Variants in GPRC6A observed in about 807,000 individuals in gnomAD.
The protein encoded by GPRC6A is G protein-coupled receptor class C group 6 member A.
Under a neutral mutation model 47.0 loss-of-function variants are expected in GPRC6A, and 54 were observed. The observed-to-expected ratio is 1.15, with a 90% CI of 0.92 to 1.44. The LOEUF (loss-of-function observed/expected upper bound fraction) is 1.44, where lower values mean the gene tolerates loss of function less well. Ranked by LOEUF, GPRC6A falls within the 40% of genes most tolerant of loss-of-function variation. The pLI is 0.00. For missense variants in GPRC6A, 1,112 were observed against 1,105.5 expected, an observed-to-expected ratio of 1.01 and a Z score of -0.08; for synonymous variants, 347 against 377.1, an observed-to-expected ratio of 0.92 and a Z score of 0.93.
chr6:116,802,196 A>G (rs1772696192), intron 3 of GPRC6A, among the ~76,000 whole-genome samples: 1 of 152,210 alleles, frequency 6.6e-6, no homozygotes, highest in African/African-American at 2.4e-5. Flanking sequence ...CCACAATTTT[A>G]TGCTTGCTCT....
chr6:116,803,148 C>T (rs1011160041), intron 3 of GPRC6A, among the ~76,000 whole-genome samples: 10 of 152,072 alleles, frequency 6.6e-5, no homozygotes, highest in Non-Finnish European at 1.5e-4. Context: ...GAATCATCTG[C>T]AACATTTTTG....
At chr6:116,809,702 T>C in intron 1 of GPRC6A, 85 bp from the exon 2 acceptor site, 1 of 846,694 alleles carries the variant, frequency 1.2e-6, no homozygotes, top group Non-Finnish European at 1.9e-6. Context: ...CATCTCCTCA[T>C]AGCAATTTCT....
At chr6:116,795,889 C>T (rs1415090583) in intron 4 of GPRC6A, 54 bp from the exon 5 acceptor site, 19 of 1,241,442 alleles carry the variant, frequency 1.5e-5, no homozygotes, top group Middle Eastern at 2.0e-4. Context: ...AAAAATTATC[C>T]TAATCGATTA....
Position 116,792,512 on chromosome 6 carries a change from G to T in GPRC6A, c.2411C>A (p.Thr804Asn). 2 of 1,613,822 alleles carry T rather than the reference G, an allele frequency of 1.2e-6. No homozygotes were observed. Among genetic ancestry groups the T allele is most frequent in the African/African-American group, 1.3e-5 (1 of 75,028 alleles). ...AWITFIPIYA[T>N]TFGKYVPAVE... ...AGCTGGTACATATTTGCCAAATGTGGTAGCATAGATAGGGATGAATGTGAT... is the reference window on the plus strand; with the variant it reads ...AGCTGGTACATATTTGCCAAATGTGTTAGCATAGATAGGGATGAATGTGAT... Residue 804 changes from threonine (T) to asparagine (N), a missense_variant, in exon 6 of 6, where the codon ACC becomes AAC. Transcript: ENST00000310357.
intron 1 of GPRC6A, among the ~76,000 whole-genome samples, chr6:116,822,889 T>A: frequency 8.9e-6 from 1 of 111,804 alleles, no homozygotes; most frequent in Non-Finnish European, 1.9e-5. Context: ...ATTACTAGTC[T>A]CTAAAAAAAA....
At chr6:116,817,478 A>T (rs373428757) in intron 1 of GPRC6A, among the ~76,000 whole-genome samples, 3 of 152,110 alleles carry the variant, frequency 2.0e-5, no homozygotes, top group African/African-American at 7.2e-5. Flanking sequence ...AAAGCAGAGC[A>T]CCTCTCCTCC....
At chr6:116,822,670 A>C (rs1562115385) in intron 1 of GPRC6A, among the ~76,000 whole-genome samples, 1 of 142,752 alleles carries the variant, frequency 7.0e-6, no homozygotes, top group Non-Finnish European at 1.5e-5. Flanking sequence ...ATGAGATCAC[A>C]TGGACACAGG....
intron 1 of GPRC6A, among the ~76,000 whole-genome samples, chr6:116,822,723 G>C (rs954445667): frequency 7.6e-6 from 1 of 131,146 alleles, no homozygotes; most frequent in Non-Finnish European, 1.6e-5. Context: ...GGTTGGGGGA[G>C]GGGGGAGGGA....
At chr6:116,810,939 T>A (rs947006258) in intron 1 of GPRC6A, among the ~76,000 whole-genome samples, 2 of 152,094 alleles carry the variant, frequency 1.3e-5, no homozygotes, top group Non-Finnish European at 2.9e-5. Context: ...ATCACCAACC[T>A]GCTGGTTCCA....
intron 1 of GPRC6A, among the ~76,000 whole-genome samples, chr6:116,817,312 C>T (rs1773257168): frequency 6.6e-6 from 1 of 152,108 alleles, no homozygotes; most frequent in Non-Finnish European, 1.5e-5. Context: ...TCCAACAGAC[C>T]TGCAGCTGAG....
chr6:116,817,878 A>G (rs1773284414), intron 1 of GPRC6A, among the ~76,000 whole-genome samples: 3 of 152,084 alleles, frequency 2.0e-5, no homozygotes, highest in Admixed American at 6.5e-5. Flanking sequence ...ATATGGGACT[A>G]TGTGAAAAGA....
rs571565578 is a variant in GPRC6A, at chr6:116,801,928, A to C, written c.1336-1132T>G. Among the ~76,000 whole-genome samples the C allele has an allele frequency of 1.5e-3, 223 of 152,166 alleles. 1 individual carries two copies. The highest frequency in any genetic ancestry group is 2.9e-3 in the Non-Finnish European group (195 of 67,998). ...AAAAAGAGGAGAGAACAAAAATAAA[A>C]GAATATGCAAGGGCCTACCTCCAAT... On this transcript the variant is annotated intron_variant, in intron 3 of 5. Coordinates refer to ENST00000310357, the MANE Select transcript of GPRC6A (RefSeq NM_148963.4).
At chr6:116,817,677 A>G (rs1773276097) in intron 1 of GPRC6A, among the ~76,000 whole-genome samples, 2 of 152,058 alleles carry the variant, frequency 1.3e-5, no homozygotes, top group Middle Eastern at 6.8e-3. Context: ...AATACAGAGA[A>G]GTGCTTAAAG....
At position 116,810,032 on chromosome 6, in the gene GPRC6A, A is replaced by G. The variant is rs543645007; in HGVS notation, c.195-415T>C. Among the ~76,000 whole-genome samples, 12 of 152,318 alleles carry G rather than the reference A, an allele frequency of 7.9e-5. No homozygotes were observed. The South Asian group carries it at 2.5e-3, about 32-fold the overall frequency. ...GGAAACCAGATAAATAAGACTCTTA[A>G]GAATTACATTTAAACAGCTTTGGTT... On this transcript the variant is annotated intron_variant, in intron 1 of 5. Coordinates refer to ENST00000310357, the MANE Select transcript of GPRC6A (RefSeq NM_148963.4).
rs1262846571 is a variant in GPRC6A, at chr6:116,816,814, C to T, written c.195-7197G>A. Among the ~76,000 whole-genome samples the T allele has an allele frequency of 2.6e-5, 4 of 152,238 alleles. No individual in the cohort carries two copies. The East Asian group carries it at 7.7e-4, about 29-fold the overall frequency. ...AAATCGGGTCACTCCCACCCGAATA[C>T]TGCGCTTTTCTGACAGGCTTAAAAA... On this transcript the variant is annotated intron_variant, in intron 1 of 5. Coordinates refer to ENST00000310357, the MANE Select transcript of GPRC6A (RefSeq NM_148963.4).
In GPRC6A at chr6:116,817,103, G is replaced by T. The variant is rs547741978; in HGVS notation, c.195-7486C>A. On this transcript the variant is annotated intron_variant, in intron 1 of 5. Transcript: ENST00000310357. ...GGGGCAGGGCACAGACAAACAAAAA[G>T]ACAGCAGTAACCTCTGCAGACTTAA... Among the ~76,000 whole-genome samples the T allele has an allele frequency of 1.1e-3, 170 of 152,206 alleles. 4 individuals carry two copies. The highest frequency in any genetic ancestry group is 4.1e-3 in the South Asian group (20 of 4,824).
intron 3 of GPRC6A, among the ~76,000 whole-genome samples, chr6:116,803,273 T>C (rs1772733335): frequency 1.3e-5 from 2 of 152,210 alleles, no homozygotes; most frequent in South Asian, 2.1e-4. Context: ...GGCATTCTTA[T>C]CTTATGTCTG....
intron 1 of GPRC6A, among the ~76,000 whole-genome samples, chr6:116,810,622 G>A (rs1772990929): frequency 6.6e-6 from 1 of 150,790 alleles, no homozygotes; most frequent in Non-Finnish European, 1.5e-5. Flanking sequence ...TGTGAACCAT[G>A]GCTTGCAATG....
chr6:116,812,811 T>A (rs1396531327), intron 1 of GPRC6A, among the ~76,000 whole-genome samples: 1 of 152,152 alleles, frequency 6.6e-6, no homozygotes, highest in Non-Finnish European at 1.5e-5. Context: ...AATGAGGAAG[T>A]TAAATTGTCC....
Sources: gnomAD v4.1 joint callset for allele counts (sites outside exome capture counted in the v4.1 genomes callset) on GRCh38, gnomAD v4.1.1 for gene constraint, MANE v1.5 for transcripts, NCBI Gene and HGNC (gene_info 2026-07-23, HGNC 2026-07-21) for gene names.